NAA11: variants seen among roughly 807,000 people sequenced by gnomAD.
The protein encoded by NAA11 is N-alpha-acetyltransferase 11.
In NAA11, 15 loss-of-function variants were observed where a neutral mutation model predicts 16.1. The ratio of observed to expected loss-of-function variants is 0.93; its 90% confidence interval spans 0.62 to 1.44. The LOEUF (loss-of-function observed/expected upper bound fraction) is 1.44. NAA11 is among the 40% of genes most tolerant of loss of function. The pLI, the probability that NAA11 is intolerant of heterozygous loss-of-function variation, is 0.00. For missense variants in NAA11, 298 were observed against 291.3 expected (o/e 1.02, Z -0.17); for synonymous variants, 122 against 112.4 (o/e 1.09, Z -0.54).
intron 2 of NAA11, among the ~76,000 whole-genome samples, chr4:79,278,496 A>G (rs1297719728): frequency 6.6e-6 from 1 of 152,010 alleles, no homozygotes. Context: ...TAATTCTATT[A>G]TCTTTGATGA....
intron 2 of NAA11, among the ~76,000 whole-genome samples, chr4:79,254,769 A>G (rs1233334724): frequency 6.6e-6 from 1 of 151,700 alleles, no homozygotes; most frequent in African/African-American, 2.4e-5. Context: ...TGATGAAGAA[A>G]ATATATAAGT....
the NAA11 span, among the ~76,000 whole-genome samples, chr4:79,170,472 G>A: frequency 1.3e-5 from 2 of 152,108 alleles, no homozygotes; most frequent in Non-Finnish European, 2.9e-5. Flanking sequence ...GCTAAGACTT[G>A]AAGTCTATAA....
At chr4:79,260,032 G>A (rs896195085) in intron 2 of NAA11, among the ~76,000 whole-genome samples, 2 of 152,166 alleles carry the variant, frequency 1.3e-5, no homozygotes, top group Non-Finnish European at 2.9e-5. Flanking sequence ...AGGCTTGTTA[G>A]TTTCACCCTC....
intron 2 of NAA11, among the ~76,000 whole-genome samples, chr4:79,239,930 C>G (rs1180214026): frequency 6.6e-6 from 1 of 152,072 alleles, no homozygotes; most frequent in Non-Finnish European, 1.5e-5. Context: ...TGCATGGGCT[C>G]AACATCATGG....
chr4:79,202,214 A>C, the NAA11 span, among the ~76,000 whole-genome samples: 1 of 151,700 alleles, frequency 6.6e-6, no homozygotes, highest in East Asian at 1.9e-4. Flanking sequence ...TCTGTGGATG[A>C]ATGGATAAAG....
chr4:79,196,864 C>G, the NAA11 span, among the ~76,000 whole-genome samples: 1 of 137,694 alleles, frequency 7.3e-6, no homozygotes, highest in African/African-American at 2.7e-5. Flanking sequence ...GAGCAATATG[C>G]TATGGAAAAG....
At chr4:79,265,430 T>C (rs974841030) in intron 2 of NAA11, among the ~76,000 whole-genome samples, 1 of 152,200 alleles carries the variant, frequency 6.6e-6, no homozygotes, top group African/African-American at 2.4e-5. Flanking sequence ...TCACTGAGAA[T>C]AAAACTTCAA....
the NAA11 span, among the ~76,000 whole-genome samples, chr4:79,203,523 A>G: frequency 6.6e-6 from 1 of 151,806 alleles, no homozygotes; most frequent in Non-Finnish European, 1.5e-5. Flanking sequence ...AATGAATTAT[A>G]AGATGCACAG....
the NAA11 span, among the ~76,000 whole-genome samples, chr4:79,204,914 TTCC>T: frequency 1.5e-5 from 2 of 132,418 alleles, no homozygotes; most frequent in African/African-American, 6.1e-5. Context: ...ATGGCTAATA[TTCC>T]ATGGTGTGTA....
intron 2 of NAA11, among the ~76,000 whole-genome samples, chr4:79,279,335 A>G (rs1722734967): frequency 6.6e-6 from 1 of 152,088 alleles, no homozygotes; most frequent in South Asian, 2.1e-4. Flanking sequence ...TGAGGCTCAG[A>G]GAAAATATGT....
chr4:79,245,118 C>G (rs919570541), intron 2 of NAA11: 1 of 158,050 alleles, frequency 6.3e-6, no homozygotes, highest in Non-Finnish European at 1.4e-5. Context: ...CCCCTCTGCC[C>G]GGTGCCCAGT....
chr4:79,245,052 G>A (rs1270762332), intron 2 of NAA11: 5 of 160,970 alleles, frequency 3.1e-5, no homozygotes, highest in South Asian at 1.8e-4. Context: ...CTGCCACCCC[G>A]TCTAGGAAGT....
At chr4:79,264,363 C>T (rs11930000) in intron 2 of NAA11, among the ~76,000 whole-genome samples, 7,388 of 152,064 alleles carry the variant, frequency 0.049, 554 homozygotes, top group African/African-American at 0.16. Context: ...GTATCATTAC[C>T]GTCACTACAA....
At chr4:79,239,473 T>C (rs11732616) in intron 2 of NAA11, among the ~76,000 whole-genome samples, 173 of 152,016 alleles carry the variant, frequency 1.1e-3, no homozygotes, top group Non-Finnish European at 2.1e-3. Context: ...GGCTGAAGCA[T>C]GTGGATCACT....
At chr4:79,273,112 T>A (rs1287610596) in intron 2 of NAA11, among the ~76,000 whole-genome samples, 1 of 151,850 alleles carries the variant, frequency 6.6e-6, no homozygotes. Context: ...TTGTGGCATA[T>A]CTTGCTGGTT....
the NAA11 span, among the ~76,000 whole-genome samples, chr4:79,190,401 C>T: frequency 1.8e-4 from 27 of 150,814 alleles, no homozygotes; most frequent in South Asian, 3.4e-3. Context: ...ATATTGATAA[C>T]GAATGGAGTA....
At chr4:79,245,915 G>T (rs1412723783) in intron 2 of NAA11, among the ~76,000 whole-genome samples, 1 of 152,238 alleles carries the variant, frequency 6.6e-6, no homozygotes, top group Non-Finnish European at 1.5e-5. Context: ...CCATGATGAC[G>T]ATGGCGGTTT....
At chr4:79,158,292 C>T in the NAA11 span, among the ~76,000 whole-genome samples, 2 of 152,026 alleles carry the variant, frequency 1.3e-5, no homozygotes, top group Non-Finnish European at 1.5e-5. Flanking sequence ...TGTACACAAA[C>T]CAGTAGCTCT....
the NAA11 span, among the ~76,000 whole-genome samples, chr4:79,159,819 C>G: frequency 6.6e-6 from 1 of 152,088 alleles, no homozygotes; most frequent in African/African-American, 2.4e-5. Flanking sequence ...CCTTTCGTGA[C>G]TGACTCTTTT....
Sources: allele counts gnomAD v4.1 joint callset (sites outside exome capture counted in the v4.1 genomes callset), GRCh38; gene constraint gnomAD v4.1.1; transcripts MANE v1.5; gene names NCBI Gene and HGNC (gene_info 2026-07-23, HGNC 2026-07-21).